Variants in MYO3A observed in about 807,000 individuals in gnomAD.
MYO3A encodes the protein myosin-IIIa.
A neutral mutation model predicts 192.7 loss-of-function variants in MYO3A; 180 were observed. The ratio of observed to expected loss-of-function variants is 0.93; its 90% CI spans 0.83 to 1.06. MYO3A has a LOEUF of 1.06. Among genes scored for constraint, MYO3A ranks in the 50% least tolerant of loss-of-function variants. The pLI is 0.00. For missense variants in MYO3A, 1,896 were observed against 1,905.0 expected, an observed-to-expected ratio of 1.00 and a Z score of 0.09; for synonymous variants, 628 against 645.3, an observed-to-expected ratio of 0.97 and a Z score of 0.41.
intron 4 of MYO3A, among the ~76,000 whole-genome samples, chr10:25,974,141 A>G (rs375203714): frequency 1.4e-4 from 21 of 152,346 alleles, no homozygotes; most frequent in African/African-American, 4.8e-4. Flanking sequence ...AACTATCATC[A>G]GAGCGAACAG....
intron 6 of MYO3A, among the ~76,000 whole-genome samples, chr10:26,007,331 A>T (rs1198203491): frequency 6.6e-6 from 1 of 150,688 alleles, no homozygotes; most frequent in Non-Finnish European, 1.5e-5. Flanking sequence ...CAAGACAGGG[A>T]TGCCCTCTCT....
intron 30 of MYO3A, 52 bp downstream of exon 30, chr10:26,174,609 A>C: frequency 6.9e-7 from 1 of 1,441,466 alleles, no homozygotes; most frequent in South Asian, 1.2e-5. Flanking sequence ...GGAACTATAC[A>C]ATAACTGAAT....
At chr10:26,202,635 G>T (rs564975547) in intron 33 of MYO3A, 2 of 325,040 alleles carry the variant, frequency 6.2e-6, no homozygotes, top group South Asian at 6.1e-5. Context: ...AAGGTCAGTA[G>T]TGACTGCTGA....
intron 4 of MYO3A, among the ~76,000 whole-genome samples, chr10:25,988,403 A>G (rs562378446): frequency 1.2e-4 from 18 of 152,284 alleles, no homozygotes; most frequent in African/African-American, 4.3e-4. Flanking sequence ...AAAAAATAGA[A>G]TGGCTTTAAT....
chr10:25,945,333 T>G (rs926647268), intron 2 of MYO3A, among the ~76,000 whole-genome samples: 4 of 152,134 alleles, frequency 2.6e-5, no homozygotes, highest in African/African-American at 9.6e-5. Flanking sequence ...GAGAAAAATG[T>G]GTATTCTGTC....
chr10:26,094,427 T>C (rs1014054808), intron 15 of MYO3A, among the ~76,000 whole-genome samples: 1 of 143,962 alleles, frequency 6.9e-6, no homozygotes, highest in African/African-American at 2.6e-5. Context: ...TTTCTTTTTT[T>C]TTTTTTTTTT....
chr10:26,099,017 C>A (rs1053704461), intron 17 of MYO3A, among the ~76,000 whole-genome samples: 12 of 152,166 alleles, frequency 7.9e-5, no homozygotes, highest in African/African-American at 2.9e-4. Context: ...TGGCCATTTT[C>A]ATGATATTGA....
intron 34 of MYO3A, among the ~76,000 whole-genome samples, chr10:26,205,486 G>C (rs1482448835): frequency 7.0e-6 from 1 of 142,678 alleles, no homozygotes; most frequent in African/African-American, 2.7e-5. Context: ...TTTTGGGGGG[G>C]GGCTTCCATG....
At chr10:25,988,374 T>A (rs974341875) in intron 4 of MYO3A, among the ~76,000 whole-genome samples, 15 of 151,924 alleles carry the variant, frequency 9.9e-5, no homozygotes, top group South Asian at 2.1e-4. Flanking sequence ...TTAAAAAAAA[T>A]TTAAATAAAA....
chr10:25,958,599 T>C (rs1837717774), intron 4 of MYO3A, among the ~76,000 whole-genome samples: 1 of 152,218 alleles, frequency 6.6e-6, no homozygotes, highest in Non-Finnish European at 1.5e-5. Flanking sequence ...ACATGAATTT[T>C]AAAATAGTTT....
At chr10:26,153,795 C>A in intron 23 of MYO3A, 55 bp from the exon 24 acceptor site, 1 of 1,151,254 alleles carries the variant, frequency 8.7e-7, no homozygotes, top group Non-Finnish European at 1.3e-6. Context: ...TGGGAAAAAT[C>A]ATCTAGCCAT....
chr10:25,978,660 A>T (rs1167062306), intron 4 of MYO3A, among the ~76,000 whole-genome samples: 2 of 152,196 alleles, frequency 1.3e-5, no homozygotes, highest in African/African-American at 4.8e-5. Context: ...TAGCTAATAT[A>T]AATAAGAATA....
At position 26,210,982 on chromosome 10, in the gene MYO3A, G is replaced by GCACACA. The variant is rs3058661; in HGVS notation, c.4731-847_4731-842dup. Among the ~76,000 whole-genome samples, 6 of 149,418 alleles carry GCACACA rather than the reference G, an allele frequency of 4.0e-5. No individual in the cohort carries two copies. In the South Asian group the frequency reaches 8.5e-4, roughly 21 times the overall value. ...TGTATCAAATTGCCTGTACACACAT[G>GCACACA]CACACACACACACACACACCACTCT... is the stretch of plus-strand genomic sequence containing the variant. On this transcript the variant is annotated intron_variant, in intron 34 of 34. Coordinates refer to ENST00000642920, the MANE Select transcript of MYO3A (RefSeq NM_017433.5).
intron 31 of MYO3A, among the ~76,000 whole-genome samples, chr10:26,181,201 TCTG>T (rs1842603992): frequency 6.6e-6 from 1 of 152,196 alleles, no homozygotes; most frequent in African/African-American, 2.4e-5. Flanking sequence ...ATTCTTATCT[TCTG>T]CTGAATGCCC....
rs150207469 is a variant in MYO3A at position 26,087,546 on chromosome 10, A to C, written c.1360-657A>C. Among the ~76,000 whole-genome samples the C allele has an allele frequency of 1.1e-4, 16 of 152,324 alleles. No homozygotes were observed. The East Asian group carries it at 3.1e-3, about 29-fold the overall frequency. On this transcript the variant is annotated intron_variant, in intron 14 of 34. Coordinates refer to ENST00000642920, the MANE Select transcript of MYO3A (RefSeq NM_017433.5). The stretch of plus-strand genomic sequence containing the variant: ...GGCAGAGGTTGGAATGCCTTTGTAA[A>C]AGTGATTGGCTATTAACCCAAATAA...
At chr10:25,994,141 G>T (rs1840261602) in intron 4 of MYO3A, among the ~76,000 whole-genome samples, 1 of 152,020 alleles carries the variant, frequency 6.6e-6, no homozygotes, top group Non-Finnish European at 1.5e-5. Context: ...TTATTGTGTG[G>T]GAGTCTAAGT....
intron 20 of MYO3A, among the ~76,000 whole-genome samples, chr10:26,138,289 T>G (rs564273576): frequency 3.3e-5 from 5 of 152,214 alleles, no homozygotes; most frequent in Non-Finnish European, 7.3e-5. Context: ...CTGACACTTA[T>G]GGAAAATAGA....
At chr10:26,117,651 GT>G (rs1223126054) in intron 17 of MYO3A, among the ~76,000 whole-genome samples, 1 of 152,094 alleles carries the variant, frequency 6.6e-6, no homozygotes, top group Non-Finnish European at 1.5e-5. Flanking sequence ...GTCCATCCAT[GT>G]CCCTGCAAAG....
At chr10:26,028,230 G>A (rs1487793106) in intron 10 of MYO3A, among the ~76,000 whole-genome samples, 2 of 152,222 alleles carry the variant, frequency 1.3e-5, no homozygotes, top group African/African-American at 4.8e-5. Context: ...GAAGTTTGCA[G>A]AGGTTAATTA....
Sources: gnomAD v4.1 joint callset for allele counts (sites outside exome capture counted in the v4.1 genomes callset) on GRCh38, gnomAD v4.1.1 for gene constraint, MANE v1.5 for transcripts, NCBI Gene and HGNC (gene_info 2026-07-23, HGNC 2026-07-21) for gene names.